The following SYK variants were observed in gnomAD, a reference collection of about 807,000 sequenced individuals.
SYK encodes the protein spleen associated tyrosine kinase.
SYK carries 16 observed loss-of-function variants against 77.8 expected under a neutral mutation model. That is an observed-to-expected ratio of 0.21 (90% CI 0.14 to 0.31). SYK has a LOEUF of 0.31. Ranked by LOEUF, SYK falls within the 10% of genes least tolerant of loss-of-function variation. The pLI, the probability that SYK is intolerant of heterozygous loss-of-function variation, is 1.00. For synonymous variants in SYK, 312 were observed against 308.7 expected, an observed-to-expected ratio of 1.01 and a Z score of -0.11; for missense variants, 529 against 814.4, an observed-to-expected ratio of 0.65 and a Z score of 4.26.
chr9:90,813,381 C>A (rs1259259170), intron 1 of SYK, among the ~76,000 whole-genome samples: 1 of 152,092 alleles, frequency 6.6e-6, no homozygotes, highest in Non-Finnish European at 1.5e-5. Context: ...CGCCTGCCCC[C>A]ATGTTTACAC....
intron 3 of SYK, among the ~76,000 whole-genome samples, chr9:90,858,466 C>T (rs10993726): frequency 0.2 from 30,319 of 152,244 alleles, 3,402 homozygotes; most frequent in Middle Eastern, 0.33. Context: ...CTGTGAACAG[C>T]CTGAGGCCAG....
intron 3 of SYK, among the ~76,000 whole-genome samples, chr9:90,861,483 G>A (rs1335960676): frequency 1.3e-5 from 2 of 151,844 alleles, no homozygotes; most frequent in African/African-American, 4.8e-5. Context: ...ACTGTTTGAA[G>A]TCCAGCCCTG....
chr9:90,883,118 C>T (rs1828220316), intron 11 of SYK, among the ~76,000 whole-genome samples: 1 of 152,108 alleles, frequency 6.6e-6, no homozygotes, highest in African/African-American at 2.4e-5. Context: ...TGCCCTGGGA[C>T]TATTGCTGAT....
At position 90,851,873 on chromosome 9, in the gene SYK, T is replaced by C. The variant is rs141480366; in HGVS notation, c.578+6279T>C. 1.7e-4 allele frequency among the ~76,000 whole-genome samples: 26 copies of C among 152,294 alleles called. No individual in the cohort carries two copies. The East Asian group carries it at 3.1e-3, about 18-fold the overall frequency. ...GAAGACTCTCTTATTTTTTTAAAAA[T>C]ATAAAATTAGGCATACAATAGAATG... On this transcript the variant is annotated intron_variant, in intron 3 of 13. Coordinates refer to ENST00000375754, the MANE Select transcript of SYK (RefSeq NM_003177.7).
intron 1 of SYK, among the ~76,000 whole-genome samples, chr9:90,843,431 T>G (rs1309509819): frequency 6.6e-6 from 1 of 152,208 alleles, no homozygotes; most frequent in Non-Finnish European, 1.5e-5. Flanking sequence ...AAGGCTTCTC[T>G]AACATTGTCT....
chr9:90,836,652 G>A (rs1005268339), intron 1 of SYK, among the ~76,000 whole-genome samples: 4 of 152,174 alleles, frequency 2.6e-5, no homozygotes, highest in Non-Finnish European at 5.9e-5. Context: ...CCAGTAAATT[G>A]CATATTGCAG....
At chr9:90,831,915 C>G (rs1429072371) in intron 1 of SYK, among the ~76,000 whole-genome samples, 1 of 152,126 alleles carries the variant, frequency 6.6e-6, no homozygotes, top group African/African-American at 2.4e-5. Flanking sequence ...TCTGGTGTCT[C>G]TAAGTGCAAG....
intron 1 of SYK, among the ~76,000 whole-genome samples, chr9:90,843,133 G>A (rs1215955442): frequency 6.6e-6 from 1 of 152,184 alleles, no homozygotes; most frequent in East Asian, 1.9e-4. Context: ...AAGTGGTCTG[G>A]AGAAGCGGGG....
At chr9:90,816,321 T>C (rs1370770556) in intron 1 of SYK, among the ~76,000 whole-genome samples, 1 of 152,208 alleles carries the variant, frequency 6.6e-6, no homozygotes, top group Non-Finnish European at 1.5e-5. Flanking sequence ...TCTGTTCTTC[T>C]GATTTTCGAC....
In SYK at chr9:90,887,805, C is replaced by A. The variant is rs201065688; in HGVS notation, c.1638C>A (p.Tyr546Ter). Reference protein sequence around the residue: ...VKWYAPECINYYKFSSKSDVW... With the variant: ...VKWYAPECIN ...GGTACGCTCCGGAATGCATCAACTACTACAAGTTCTCCAGCAAAAGCGATG... is the reference window on the plus strand; with the variant it reads ...GGTACGCTCCGGAATGCATCAACTAATACAAGTTCTCCAGCAAAAGCGATG... Residue 546 changes from tyrosine (Y) to a stop codon, truncating the protein, a stop_gained, in exon 12 of 14, where the codon TAC becomes TAA. Transcript: ENST00000375754. LOFTEE classifies it high-confidence loss of function. 6.2e-7 allele frequency: 1 copy of A among 1,613,764 alleles called. No homozygotes were observed. Among genetic ancestry groups the A allele is most frequent in the Non-Finnish European group, 8.5e-7 (1 of 1,179,882 alleles).
At chr9:90,894,793 G>C (rs1004495481) in intron 13 of SYK, among the ~76,000 whole-genome samples, 2 of 152,254 alleles carry the variant, frequency 1.3e-5, no homozygotes, top group African/African-American at 4.8e-5. Context: ...CAGGATGTCT[G>C]TGTAAGACAA....
chr9:90,891,000 C>G (rs949821552), intron 13 of SYK, among the ~76,000 whole-genome samples: 2 of 152,186 alleles, frequency 1.3e-5, no homozygotes, highest in Non-Finnish European at 2.9e-5. Context: ...GTTTTATAGA[C>G]GAGCTTGAGT....
intron 13 of SYK, among the ~76,000 whole-genome samples, chr9:90,894,563 C>T (rs1249412466): frequency 6.6e-6 from 1 of 152,140 alleles, no homozygotes; most frequent in East Asian, 1.9e-4. Context: ...TCTCTTGTGT[C>T]GACATTGAAT....
At chr9:90,842,075 A>T (rs1005820527) in intron 1 of SYK, among the ~76,000 whole-genome samples, 1 of 114,320 alleles carries the variant, frequency 8.7e-6, no homozygotes, top group Non-Finnish European at 2.1e-5. Flanking sequence ...TGTAGTGTCC[A>T]TGTAGTACAT....
intron 1 of SYK, among the ~76,000 whole-genome samples, chr9:90,840,555 A>T (rs1241154090): frequency 2.9e-5 from 1 of 34,052 alleles, no homozygotes; most frequent in Admixed American, 2.2e-4. Flanking sequence ...CGTCTCTTCT[A>T]AAAAAAAAAA....
At chr9:90,890,319 A>C (rs1564127505) in intron 13 of SYK, among the ~76,000 whole-genome samples, 2 of 152,314 alleles carry the variant, frequency 1.3e-5, no homozygotes, top group East Asian at 1.9e-4. Flanking sequence ...TCTGTCCTCC[A>C]TGGACGCACG....
rs1265514351 is a variant in SYK, at chr9:90,888,516, G to C, written c.1724G>C (p.Gly575Ala). The C allele has an allele frequency of 6.2e-7, 1 of 1,604,324 alleles. No homozygotes were observed. The highest frequency in any genetic ancestry group is 1.7e-5 in the Admixed American group (1 of 57,948). ...TTATGCATATCTTGCATGTTGTAGG[G>C]GATGAAAGGAAGTGAAGTCACCGCT... ...AFSYGQKPYR[G>A]MKGSEVTAML... is the part of the protein sequence containing the mutation. Residue 575 changes from glycine to alanine, a missense_variant and splice_region_variant, in exon 13 of 14, where the codon GGG (glycine) becomes GCG (alanine). This residue lies in a region of SYK where 208 missense variants were observed against 381.3 expected (regional missense o/e 0.55). Coordinates refer to ENST00000375754, the MANE Select transcript of SYK (RefSeq NM_003177.7).
In SYK at chr9:90,836,242, G is replaced by A. The variant is rs140854234; in HGVS notation, c.-41-7616G>A. On this transcript the variant is annotated intron_variant, in intron 1 of 13. Coordinates refer to ENST00000375754, the MANE Select transcript of SYK (RefSeq NM_003177.7). The stretch of plus-strand genomic sequence containing the variant: ...GCGGAGCTTGCAGTGAGCCGAGATT[G>A]TGCCACTGCACTCCAGCCTGGGCAA... Among the ~76,000 whole-genome samples, 886 of 149,722 alleles carry A rather than the reference G, an allele frequency of 5.9e-3. 10 individuals are homozygous for A. The highest frequency in any genetic ancestry group is 0.021 in the African/African-American group (842 of 40,576).
At chr9:90,823,156 C>G (rs1587821799) in intron 1 of SYK, among the ~76,000 whole-genome samples, 1 of 152,292 alleles carries the variant, frequency 6.6e-6, no homozygotes, top group East Asian at 1.9e-4. Context: ...GGGGTCAGCG[C>G]TTCAAGGAAA....
Sources: gnomAD v4.1 joint callset for allele counts (sites outside exome capture counted in the v4.1 genomes callset) on GRCh38, gnomAD v4.1.1 for gene constraint, gnomAD v4.1.1 regional missense constraint, MANE v1.5 for transcripts, NCBI Gene and HGNC (gene_info 2026-07-23, HGNC 2026-07-21) for gene names.